Variants in SRBD1 observed in about 807,000 individuals in gnomAD.
SRBD1 encodes the protein S1 RNA-binding domain-containing protein 1.
A neutral mutation model predicts 115.3 loss-of-function variants in SRBD1; 88 were observed. The ratio of observed to expected loss-of-function variants is 0.76; its 90% CI spans 0.64 to 0.91. SRBD1 has a LOEUF of 0.91. Ranked by LOEUF, SRBD1 falls within the 40% of genes least tolerant of loss-of-function variation. The probability of loss-of-function intolerance (pLI) is 0.00; values close to 1 mark genes in which losing one functional copy is unlikely to be tolerated. For missense variants in SRBD1, 1,385 were observed against 1,177.4 expected (o/e 1.18, Z -2.58); for synonymous variants, 509 against 407.7 (o/e 1.25, Z -2.99).
intron 12 of SRBD1, chr2:45,549,217 AAAAG>A (rs1386171157): frequency 6.6e-6 from 1 of 152,218 alleles, no homozygotes; most frequent in Non-Finnish European, 1.5e-5. Context: ...CAGCAAAGGA[AAAAG>A]AAAGCCCAGA....
In SRBD1 at chr2:45,562,675, A is replaced by G. The variant is rs1428839070; in HGVS notation, c.1387T>C (p.Cys463Arg). ...NISDGVKDEF[C>R]RWCIQNRWRP... ...GACCTGTTTTGGATGCACCACCTAC[A>G]GAATTCATCCTTCACTCCATCAGAA... The change falls in exon 10 of 21, where the codon TGT becomes CGT. Residue 463 changes from cysteine to arginine, a missense_variant. Physicochemically the swap from Cys to Arg is radical, Grantham distance 180. Transcript: ENST00000263736. The G allele has an allele frequency of 6.2e-7, 1 of 1,608,568 alleles. No homozygotes were observed. Among genetic ancestry groups the G allele is most frequent in the Non-Finnish European group, 8.5e-7 (1 of 1,178,676 alleles).
intron 20 of SRBD1, among the ~76,000 whole-genome samples, chr2:45,392,686 C>T (rs555841929): frequency 1.3e-5 from 2 of 152,202 alleles, no homozygotes; most frequent in Non-Finnish European, 2.9e-5. Flanking sequence ...TACAGCAGTA[C>T]ATGCATGATG....
chr2:45,601,749 A>T (rs149564734), intron 3 of SRBD1, among the ~76,000 whole-genome samples, 154 bp downstream of exon 3: 292 of 152,384 alleles, frequency 1.9e-3, no homozygotes, highest in South Asian at 6.4e-3. Flanking sequence ...AAAGAAACAC[A>T]GTACAGACCC....
At chr2:45,391,258 G>C (rs1666990452) in intron 20 of SRBD1, among the ~76,000 whole-genome samples, 2 of 152,118 alleles carry the variant, frequency 1.3e-5, no homozygotes, top group Admixed American at 6.5e-5. Context: ...CACTTTCATA[G>C]CCAAGCATTT....
chr2:45,581,832 A>G, intron 5 of SRBD1, 22 bp from the exon 6 acceptor site: 1 of 1,569,680 alleles, frequency 6.4e-7, no homozygotes, highest in East Asian at 2.2e-5. Flanking sequence ...AACTTTTGTA[A>G]TATACCAAAA....
chr2:45,498,043 A>C (rs1670515546), intron 14 of SRBD1, among the ~76,000 whole-genome samples: 1 of 152,174 alleles, frequency 6.6e-6, no homozygotes, highest in African/African-American at 2.4e-5. Flanking sequence ...TGAAGGCTCC[A>C]GTTTGTTCAT....
intron 19 of SRBD1, among the ~76,000 whole-genome samples, chr2:45,397,169 A>G (rs1175002177): frequency 9.2e-5 from 14 of 152,200 alleles, no homozygotes; most frequent in Admixed American, 9.2e-4. Flanking sequence ...ATACAGGTTA[A>G]ATATTCAATA....
At chr2:45,523,133 T>C (rs1214803636) in intron 14 of SRBD1, among the ~76,000 whole-genome samples, 1 of 151,422 alleles carries the variant, frequency 6.6e-6, no homozygotes, top group Non-Finnish European at 1.5e-5. Flanking sequence ...TACTTTGAGA[T>C]AAATAAAAAT....
intron 16 of SRBD1, among the ~76,000 whole-genome samples, chr2:45,440,554 C>T (rs1244506236): frequency 6.6e-6 from 1 of 152,190 alleles, no homozygotes; most frequent in East Asian, 1.9e-4. Flanking sequence ...AGTTCTGGCT[C>T]ATGACATATG....
rs1261659793 is a variant in SRBD1, at chr2:45,410,163, T to C, written c.2513+2951A>G. The stretch of plus-strand genomic sequence containing the variant: ...TAAGCACATTAGAAAGTGTTCAGTG[T>C]TGCCAGGGAAATGCAAATTAAAACC... On this transcript the variant is annotated intron_variant, in intron 19 of 20. Coordinates refer to ENST00000263736, the MANE Select transcript of SRBD1 (RefSeq NM_018079.5). 2.0e-5 allele frequency among the ~76,000 whole-genome samples: 3 copies of C among 152,166 alleles called. No individual in the cohort carries two copies. The East Asian group carries it at 5.8e-4, about 29-fold the overall frequency.
rs547304613 is a variant in SRBD1, at chr2:45,441,503, G to C, written c.2050-21609C>G. On this transcript the variant is annotated intron_variant, in intron 16 of 20. Transcript: ENST00000263736. ...TGCTGCTTTAATTTTATTTCCTTAAGTACTGGTTTAGTTGAAGATCTCTTT... is the reference window on the plus strand; with the variant it reads ...TGCTGCTTTAATTTTATTTCCTTAACTACTGGTTTAGTTGAAGATCTCTTT... Among the ~76,000 whole-genome samples, 5 of 152,256 alleles carry C rather than the reference G, an allele frequency of 3.3e-5. No individual in the cohort carries two copies. The East Asian group carries it at 9.6e-4, about 29-fold the overall frequency.
chr2:45,495,829 G>T (rs1461296829), intron 14 of SRBD1, among the ~76,000 whole-genome samples: 3 of 152,026 alleles, frequency 2.0e-5, no homozygotes. Flanking sequence ...AAGGGGGCAG[G>T]GAATAAACAC....
intron 16 of SRBD1, among the ~76,000 whole-genome samples, chr2:45,429,996 A>G (rs547428173): frequency 1.3e-5 from 2 of 152,178 alleles, no homozygotes; most frequent in East Asian, 3.9e-4. Context: ...ATACACCAAT[A>G]ATAGACAGAG....
At chr2:45,392,603 C>T (rs1356955759) in intron 20 of SRBD1, among the ~76,000 whole-genome samples, 4 of 152,132 alleles carry the variant, frequency 2.6e-5, no homozygotes, top group African/African-American at 9.7e-5. Context: ...GACTGCTTTA[C>T]CTTGCACTTC....
intron 4 of SRBD1, 87 bp downstream of exon 4, chr2:45,599,362 G>C: frequency 2.0e-6 from 3 of 1,494,742 alleles, no homozygotes; most frequent in South Asian, 1.4e-5. Flanking sequence ...AAAACCCCCA[G>C]CCCTTCCCTT....
intron 16 of SRBD1, among the ~76,000 whole-genome samples, chr2:45,450,968 A>C (rs929899169): frequency 6.6e-6 from 1 of 152,134 alleles, no homozygotes; most frequent in Non-Finnish European, 1.5e-5. Flanking sequence ...TTTTTCACTG[A>C]AAGTGGAAAC....
At chr2:45,540,916 T>A (rs1477532830) in intron 14 of SRBD1, among the ~76,000 whole-genome samples, 1 of 152,230 alleles carries the variant, frequency 6.6e-6, no homozygotes, top group Admixed American at 6.5e-5. Flanking sequence ...GAGAAACTAG[T>A]GTTACGGAAT....
At chr2:45,455,487 G>A (rs1057253973) in intron 16 of SRBD1, among the ~76,000 whole-genome samples, 1 of 151,784 alleles carries the variant, frequency 6.6e-6, no homozygotes, top group East Asian at 1.9e-4. Flanking sequence ...TTAGGTCAGA[G>A]CAAAAACATA....
intron 14 of SRBD1, among the ~76,000 whole-genome samples, chr2:45,539,520 C>A (rs1036455897): frequency 2.0e-5 from 3 of 152,122 alleles, no homozygotes; most frequent in Non-Finnish European, 4.4e-5. Flanking sequence ...ATACTCTACC[C>A]CCAGGAGATC....
Sources: allele counts gnomAD v4.1 joint callset (sites outside exome capture counted in the v4.1 genomes callset), GRCh38; gene constraint gnomAD v4.1.1; transcripts MANE v1.5; gene names NCBI Gene and HGNC (gene_info 2026-07-23, HGNC 2026-07-21).